The following TAF2 variants were observed in gnomAD, a reference collection of about 807,000 sequenced individuals.
TAF2 encodes TATA-box binding protein associated factor 2.
TAF2 carries 61 observed loss-of-function variants against 138.5 expected under a neutral mutation model. The ratio of observed to expected loss-of-function variants is 0.44; its 90% CI spans 0.36 to 0.54. The LOEUF (loss-of-function observed/expected upper bound fraction) is 0.54, where lower values mean the gene tolerates loss of function less well. Among genes scored for constraint, TAF2 ranks in the 20% least tolerant of loss-of-function variants. The pLI is 0.00. For synonymous variants in TAF2, 475 were observed against 469.9 expected (o/e 1.01, Z -0.14); for missense variants, 1,090 against 1,427.9 (o/e 0.76, Z 3.81).
At chr8:119,831,034 G>C (rs1184308274) in intron 2 of TAF2, among the ~76,000 whole-genome samples, 1 of 152,116 alleles carries the variant, frequency 6.6e-6, no homozygotes, top group Non-Finnish European at 1.5e-5. Flanking sequence ...TTGAACCCAG[G>C]AGGTGGAGGT....
intron 2 of TAF2, among the ~76,000 whole-genome samples, chr8:119,826,772 T>C (rs544627391): frequency 5.4e-4 from 83 of 152,296 alleles, no homozygotes; most frequent in Admixed American, 9.8e-4. Context: ...TTTGTATTTT[T>C]AGTAGAGACG....
chr8:119,805,503 C>G (rs1314483369), intron 4 of TAF2, among the ~76,000 whole-genome samples: 1 of 151,954 alleles, frequency 6.6e-6, no homozygotes, highest in East Asian at 1.9e-4. Context: ...GTCAGGAGTT[C>G]GAGAGCAGCC....
chr8:119,782,241 A>C (rs965325099), intron 16 of TAF2, among the ~76,000 whole-genome samples: 6 of 152,214 alleles, frequency 3.9e-5, no homozygotes, highest in African/African-American at 1.2e-4. Flanking sequence ...GGCTGTAAGC[A>C]TGCTTTACAA....
intron 10 of TAF2, chr8:119,792,020 T>C (rs1222136182): frequency 6.6e-6 from 1 of 152,624 alleles, no homozygotes; most frequent in Non-Finnish European, 1.5e-5. Context: ...CTAGAAAATA[T>C]TTACGACATA....
chr8:119,766,259 T>G (rs1325542382), intron 18 of TAF2, among the ~76,000 whole-genome samples: 1 of 152,166 alleles, frequency 6.6e-6, no homozygotes, highest in East Asian at 1.9e-4. Context: ...TGGCAATGTC[T>G]AGAGAGATTT....
intron 2 of TAF2, among the ~76,000 whole-genome samples, chr8:119,829,294 C>T (rs566462252): frequency 9.9e-5 from 15 of 152,178 alleles, no homozygotes; most frequent in South Asian, 4.2e-4. Flanking sequence ...TCCTTTCCGC[C>T]AGGCTGCAGG....
chr8:119,745,006 A>G (rs1398066184), intron 23 of TAF2: 1 of 456,240 alleles, frequency 2.2e-6, no homozygotes, highest in Non-Finnish European at 4.4e-6. Flanking sequence ...GATATATTAC[A>G]TGATGCTTCC....
At chr8:119,799,388 T>C (rs1824074743) in intron 6 of TAF2, among the ~76,000 whole-genome samples, 1 of 150,824 alleles carries the variant, frequency 6.6e-6, no homozygotes, top group African/African-American at 2.4e-5. Flanking sequence ...TTCCCACCTA[T>C]GAGTGAGAAC....
At chr8:119,775,698 G>A (rs978997576) in intron 18 of TAF2, among the ~76,000 whole-genome samples, 8 of 151,738 alleles carry the variant, frequency 5.3e-5, no homozygotes, top group East Asian at 1.9e-4. Flanking sequence ...GCGAGATTCC[G>A]TCTCAAAAAA....
chr8:119,800,483 G>A (rs1382513824), intron 6 of TAF2, among the ~76,000 whole-genome samples: 2 of 152,148 alleles, frequency 1.3e-5, no homozygotes, highest in Non-Finnish European at 2.9e-5. Flanking sequence ...TGAGGCCTCT[G>A]TTCTGTTCCA....
chr8:119,793,555 G>T, intron 9 of TAF2, 104 bp from the exon 10 acceptor site: 1 of 843,354 alleles, frequency 1.2e-6, no homozygotes, highest in Non-Finnish European at 1.9e-6. Context: ...CCTAAAATCA[G>T]AATGTAAATT....
At chr8:119,747,521 T>G (rs571141798) in intron 22 of TAF2, among the ~76,000 whole-genome samples, 1 of 152,178 alleles carries the variant, frequency 6.6e-6, no homozygotes, top group African/African-American at 2.4e-5. Context: ...GTTGACACAC[T>G]AGAGGCAAGT....
At chr8:119,749,249 T>C (rs1210065900) in intron 22 of TAF2, among the ~76,000 whole-genome samples, 1 of 152,188 alleles carries the variant, frequency 6.6e-6, no homozygotes, top group Non-Finnish European at 1.5e-5. Context: ...ATGATTTTGG[T>C]TACTTTTTAT....
intron 25 of TAF2, 55 bp from the exon 26 acceptor site, chr8:119,732,241 C>A (rs756268381): frequency 5.7e-5 from 89 of 1,554,480 alleles, no homozygotes; most frequent in Non-Finnish European, 7.7e-5. Context: ...GAAAGCCAGA[C>A]TAAAGAAAGA....
chr8:119,755,997 C>A lies in TAF2; in HGVS notation c.2878+9G>T, dbSNP rs1414644289. The A allele has an allele frequency of 1.3e-6, 2 of 1,577,924 alleles. No individual in the cohort carries two copies. Among genetic ancestry groups the A allele is most frequent in the Admixed American group, 3.3e-5 (2 of 59,970 alleles). ...ATAATAAAAACAATTTAAATCCCTG[C>A]TCTCTCACCAGAATTCATAAGTTTC... On this transcript the variant is annotated intron_variant, in intron 22 of 25. Transcript: ENST00000378164.
In TAF2 at chr8:119,802,089, A is replaced by G. The variant is rs1280180598; in HGVS notation, c.561-64T>C. On this transcript the variant is annotated intron_variant, in intron 5 of 25. Coordinates refer to ENST00000378164, the MANE Select transcript of TAF2 (RefSeq NM_003184.4). ...GAGTTCTCTACATTGTTTTCCCCACATGCAAGTTATTTTAGCATTTCTAGA... is the reference window on the plus strand; with the variant it reads ...GAGTTCTCTACATTGTTTTCCCCACGTGCAAGTTATTTTAGCATTTCTAGA... 3.0e-6 allele frequency: 4 copies of G among 1,317,996 alleles called. No individual in the cohort carries two copies. The African/African-American group carries it at 5.9e-5, about 19-fold the overall frequency. The allele number at this position is 1,317,996 out of a possible 1,614,324, so 81.6% of individuals were successfully genotyped here. A position where few individuals can be genotyped will look rare whatever the true frequency, so the allele number is the denominator to read the frequency against.
At position 119,793,623 on chromosome 8, in the gene TAF2, C is replaced by A. The variant is rs1056176576; in HGVS notation, c.1192-172G>T. Among the ~76,000 whole-genome samples the A allele has an allele frequency of 2.0e-5, 3 of 152,148 alleles. No homozygotes were observed. The South Asian group carries it at 6.2e-4, about 32-fold the overall frequency. ...GTTTATGTTCTTATAAATAAAGCAGCCTACACAGCTGGCAGAATGACAAAA... is the reference window on the plus strand; with the variant it reads ...GTTTATGTTCTTATAAATAAAGCAGACTACACAGCTGGCAGAATGACAAAA... On this transcript the variant is annotated intron_variant, in intron 9 of 25. Coordinates refer to ENST00000378164, the MANE Select transcript of TAF2 (RefSeq NM_003184.4).
At chr8:119,827,177 GT>G (rs1826155939) in intron 2 of TAF2, among the ~76,000 whole-genome samples, 1 of 152,080 alleles carries the variant, frequency 6.6e-6, no homozygotes, top group Non-Finnish European at 1.5e-5. Flanking sequence ...CTAGGCGACA[GT>G]GAGATCCTGT....
intron 3 of TAF2, among the ~76,000 whole-genome samples, chr8:119,816,652 C>CA (rs1009976455): frequency 6.6e-6 from 1 of 152,142 alleles, no homozygotes; most frequent in African/African-American, 2.4e-5. Flanking sequence ...CTGCCTTTCC[C>CA]AAAGTTCTCT....
Sources: gnomAD v4.1 joint callset for allele counts (sites outside exome capture counted in the v4.1 genomes callset) on GRCh38, gnomAD v4.1.1 for gene constraint, MANE v1.5 for transcripts, NCBI Gene and HGNC (gene_info 2026-07-23, HGNC 2026-07-21) for gene names.